Variants in MCM9 observed in about 807,000 individuals in gnomAD.
The protein encoded by MCM9 is DNA helicase MCM9.
In MCM9, 55 loss-of-function variants were observed where a neutral mutation model predicts 72.8. The ratio of observed to expected loss-of-function variants is 0.76; its 90% confidence interval spans 0.61 to 0.95. The LOEUF (loss-of-function observed/expected upper bound fraction) is 0.95, where lower values mean the gene tolerates loss of function less well. Among genes scored for constraint, MCM9 ranks in the 40% least tolerant of loss-of-function variants. The probability of loss-of-function intolerance (pLI) is 0.00; values close to 1 mark genes in which losing one functional copy is unlikely to be tolerated. For synonymous variants in MCM9, 480 were observed against 503.4 expected (o/e 0.95, Z 0.62); for missense variants, 1,279 against 1,377.0 (o/e 0.93, Z 1.13).
At chr6:118,913,151 G>A (rs1780679402) in intron 7 of MCM9, 144 bp downstream of exon 7, 3 of 892,140 alleles carry the variant, frequency 3.4e-6, no homozygotes, top group Non-Finnish European at 5.0e-6. Context: ...GCTAGACTAA[G>A]TATAAGATAT....
At chr6:118,857,314 C>T (rs916266841) in intron 8 of MCM9, among the ~76,000 whole-genome samples, 1 of 152,068 alleles carries the variant, frequency 6.6e-6, no homozygotes, top group Non-Finnish European at 1.5e-5. Flanking sequence ...CTTCATATGT[C>T]TTGTTGATTT....
Position 118,815,163 on chromosome 6 carries a change from A to G in MCM9, c.3093T>C (p.Leu1031=). 1 of 1,550,528 alleles carries G rather than the reference A, an allele frequency of 6.4e-7. No homozygotes were observed. The highest frequency in any genetic ancestry group is 8.7e-7 in the Non-Finnish European group (1 of 1,146,956). Residue 1031 remains leucine (L), a synonymous_variant, in exon 14 of 14, where the codon CTT becomes CTC. Transcript: ENST00000619706. ...CTTCCTTTTTGTCTCCCTCACAAGT[A>G]AGATGAGCACACCCAGTCTCGTTCC... The part of the protein sequence containing the change: ...ELGNETGCAH[L]TCEGDKKEEV...
intron 9 of MCM9, among the ~76,000 whole-genome samples, chr6:118,847,176 A>T (rs911905715): frequency 1.3e-5 from 2 of 151,880 alleles, no homozygotes; most frequent in Non-Finnish European, 2.9e-5. Context: ...TGAACATCTA[A>T]TTAAGGCAGA....
At chr6:118,881,478 T>C (rs1206623827) in intron 8 of MCM9, among the ~76,000 whole-genome samples, 1 of 152,224 alleles carries the variant, frequency 6.6e-6, no homozygotes, top group Non-Finnish European at 1.5e-5. Context: ...GCGGAATTTA[T>C]TGTATAAGTA....
chr6:118,822,665 C>G (rs1045144512), intron 13 of MCM9, among the ~76,000 whole-genome samples: 1 of 152,200 alleles, frequency 6.6e-6, no homozygotes, highest in Non-Finnish European at 1.5e-5. Context: ...TAGTTAGGAT[C>G]AGCTGCTCTC....
intron 6 of MCM9, among the ~76,000 whole-genome samples, chr6:118,914,868 C>T (rs1157313165): frequency 6.6e-6 from 1 of 152,118 alleles, no homozygotes; most frequent in Non-Finnish European, 1.5e-5. Context: ...CTATTAATTA[C>T]CAACTGTCTG....
chr6:118,826,389 C>A, intron 12 of MCM9, 97 bp from the exon 13 acceptor site: 2 of 1,262,086 alleles, frequency 1.6e-6, no homozygotes, highest in East Asian at 2.5e-5. Context: ...CTAAGACCGC[C>A]GTTTACACCC....
intron 13 of MCM9, among the ~76,000 whole-genome samples, chr6:118,818,610 G>A (rs1224023020): frequency 2.0e-5 from 3 of 152,098 alleles, no homozygotes; most frequent in Non-Finnish European, 2.9e-5. Context: ...TGGCTATACC[G>A]GCTCTATTTT....
chr6:118,903,315 CAT>C (rs2114535059), intron 8 of MCM9, among the ~76,000 whole-genome samples: 1 of 151,976 alleles, frequency 6.6e-6, no homozygotes, highest in African/African-American at 2.4e-5. Flanking sequence ...AGACAAACAG[CAT>C]ATTCTCCAGG....
rs185234891 is a variant in MCM9 at position 118,925,472 on chromosome 6, A to T, written c.305-1345T>A. Reference sequence around the variant, plus strand: ...TAGGAAGTATGAGGGGAAAAAGCAAATTAGAGTAACTGAATGTTTAAGGTG... The same window carrying T: ...TAGGAAGTATGAGGGGAAAAAGCAATTTAGAGTAACTGAATGTTTAAGGTG... On this transcript the variant is annotated intron_variant, in intron 3 of 13. Coordinates refer to ENST00000619706, the MANE Select transcript of MCM9 (RefSeq NM_017696.3). Among the ~76,000 whole-genome samples the T allele has an allele frequency of 3.3e-5, 5 of 152,316 alleles. No individual in the cohort carries two copies. In the East Asian group the frequency reaches 9.7e-4, roughly 29 times the overall value.
chr6:118,834,211 T>C (rs796770746), intron 9 of MCM9, among the ~76,000 whole-genome samples: 46 of 152,362 alleles, frequency 3.0e-4, no homozygotes, highest in African/African-American at 9.4e-4. Context: ...TATGGCTGCA[T>C]AGTATTCCGT....
rs140952453 is a variant in MCM9 at position 118,855,819 on chromosome 6, C to T, written c.1325+552G>A. On this transcript the variant is annotated intron_variant, in intron 9 of 13. Coordinates refer to ENST00000619706, the MANE Select transcript of MCM9 (RefSeq NM_017696.3). ...GCCTGTGTGAGATTTCTGTCTGAAC[C>T]TGGCTTATTTTTTTCCTCCACTTTA... 8.2e-3 allele frequency among the ~76,000 whole-genome samples: 1,244 copies of T among 152,266 alleles called. 17 individuals are homozygous for T. The highest frequency in any genetic ancestry group is 0.028 in the African/African-American group (1,155 of 41,526).
At chr6:118,852,641 AGT>A (rs1776305782) in intron 9 of MCM9, among the ~76,000 whole-genome samples, 1 of 152,220 alleles carries the variant, frequency 6.6e-6, no homozygotes, top group South Asian at 2.1e-4. Context: ...GGGAAGAGTA[AGT>A]GTTTGGAAAC....
At chr6:118,893,719 T>C (rs1459013449) in intron 8 of MCM9, among the ~76,000 whole-genome samples, 1 of 151,846 alleles carries the variant, frequency 6.6e-6, no homozygotes, top group Non-Finnish European at 1.5e-5. Context: ...CTCCAAATAC[T>C]ACCCGATACG....
At chr6:118,870,624 A>C (rs972375225) in intron 8 of MCM9, among the ~76,000 whole-genome samples, 3 of 152,162 alleles carry the variant, frequency 2.0e-5, no homozygotes, top group Non-Finnish European at 4.4e-5. Context: ...GAAGGAAGAG[A>C]ATAACAAATA....
At chr6:118,831,317 A>G (rs1417067286) in intron 9 of MCM9, among the ~76,000 whole-genome samples, 1 of 141,302 alleles carries the variant, frequency 7.1e-6, no homozygotes, top group Non-Finnish European at 1.5e-5. Context: ...GTGCCATTGC[A>G]CTCACAAAGC....
intron 8 of MCM9, chr6:118,901,075 G>A: frequency 2.0e-6 from 1 of 509,796 alleles, no homozygotes; most frequent in South Asian, 2.7e-5. Context: ...GGTTTTATAT[G>A]CTGAGAGATG....
At chr6:118,843,960 C>G (rs138939094) in intron 9 of MCM9, among the ~76,000 whole-genome samples, 1 of 148,652 alleles carries the variant, frequency 6.7e-6, no homozygotes, top group African/African-American at 2.6e-5. Flanking sequence ...AAAGGAAAAC[C>G]TGAAGTGGTT....
In MCM9 at chr6:118,843,716, A is replaced by ATATATGTATG. The variant is rs1562407315; in HGVS notation, c.1325+12654_1325+12655insCATACATATA. Among the ~76,000 whole-genome samples, 361 of 79,652 alleles carry ATATATGTATG rather than the reference A, an allele frequency of 4.5e-3. 4 individuals are homozygous for ATATATGTATG. Among genetic ancestry groups the ATATATGTATG allele is most frequent in the Non-Finnish European group, 6.8e-3 (294 of 42,938 alleles). The allele number at this position is 79,652 out of a possible 152,430, so 52.3% of individuals were successfully genotyped here. Reference sequence around the variant, plus strand: ...TATATATATATATGTATGTATATATATATGTATATATATATATATATATAT... The same window carrying ATATATGTATG: ...TATATATATATATGTATGTATATATATATATGTATGTATGTATATATATATATATATATAT... On this transcript the variant is annotated intron_variant, in intron 9 of 13. Coordinates refer to ENST00000619706, the MANE Select transcript of MCM9 (RefSeq NM_017696.3).
Sources: allele counts gnomAD v4.1 joint callset (sites outside exome capture counted in the v4.1 genomes callset), GRCh38; gene constraint gnomAD v4.1.1; transcripts MANE v1.5; gene names NCBI Gene and HGNC (gene_info 2026-07-23, HGNC 2026-07-21).